The following C19orf85 variants were observed in gnomAD, a reference collection of about 807,000 sequenced individuals.
C19orf85 encodes the protein chromosome 19 open reading frame 85, also known as uncharacterized protein C19orf85.
chr19:55,464,360 C>T (rs1231518677), intron 1 of C19orf85, 22 bp downstream of exon 1: 4 of 398,542 alleles, frequency 1.0e-5, no homozygotes, highest in Non-Finnish European at 1.8e-5. Flanking sequence ...CCCGTGCCCA[C>T]CTTCCCCACC....
chr19:55,464,450 C>A lies in C19orf85; in HGVS notation c.105G>T (p.Gln35His). 1 of 398,350 alleles carries A rather than the reference C, an allele frequency of 2.5e-6. No individual in the cohort carries two copies. The highest frequency in any genetic ancestry group is 4.4e-6 in the Non-Finnish European group (1 of 225,868). The allele number at this position is 398,350 out of a possible 1,614,324, so 24.7% of individuals were successfully genotyped here. The change falls in exon 1 of 2, where the codon CAG becomes CAT. Residue 35 changes from glutamine (Q) to histidine (H), a missense_variant. Transcript: ENST00000635964. ...TCTTGGGGGGCCGGGTGCGCCGGGGCTGCAGGGCCCGCAGCATGTGGGCGG... is the reference window on the plus strand; with the variant it reads ...TCTTGGGGGGCCGGGTGCGCCGGGGATGCAGGGCCCGCAGCATGTGGGCGG... ...GAAAHMLRAL[Q>H]PRRTRPPKRR...
Position 55,463,429 on chromosome 19 carries a change from G to A in C19orf85, c.*43C>T. ...AGGGCTGTAGAGCCGTCGTGGAGGG[G>A]CCTCTGGCTTGTCCTGGGTTCTGGG... On this transcript the variant is annotated 3_prime_UTR_variant, in exon 2 of 2. Coordinates refer to ENST00000635964, the MANE Select transcript of C19orf85 (RefSeq NM_001386794.1). This position sits in a 1 kb window ranked among gnomAD's most constrained non-coding sequence, Gnocchi z 4.9. 1 of 398,544 alleles carries A rather than the reference G, an allele frequency of 2.5e-6. No homozygotes were observed. The highest frequency in any genetic ancestry group is 4.4e-6 in the Non-Finnish European group (1 of 226,170). The allele number at this position is 398,544 out of a possible 1,614,324, so 24.7% of individuals were successfully genotyped here. A position where few individuals can be genotyped will look rare whatever the true frequency, so the allele number is the denominator to read the frequency against.
In C19orf85 at chr19:55,464,428, T is replaced by TG. The variant is rs937313672; in HGVS notation, c.126dup (p.Lys43GlnfsTer22). 2.5e-6 allele frequency: 1 copy of TG among 398,202 alleles called. No individual in the cohort carries two copies. Among genetic ancestry groups the TG allele is most frequent in the Non-Finnish European group, 4.4e-6 (1 of 225,892 alleles). 24.7% of individuals were successfully genotyped at this position (398,202 alleles called of 1,614,324 possible). ...AACCTTCTGTGGTTGGGCCGCCTCT[T>TG]GGGGGGCCGGGTGCGCCGGGGCTGC... On this transcript the variant is annotated frameshift_variant, in exon 1 of 2. Transcript: ENST00000635964. LOFTEE classifies it low-confidence loss of function (END_TRUNC).
At position 55,464,463 on chromosome 19, in the gene C19orf85, A is replaced by G. The variant is rs1030635751; in HGVS notation, c.92T>C (p.Leu31Pro). The stretch of plus-strand genomic sequence containing the variant: ...GGTGCGCCGGGGCTGCAGGGCCCGC[A>G]GCATGTGGGCGGCCGCCCCGCTCAC... ...AFVSGAAAHMLRALQPRRTRP... is the reference protein window; with the variant it reads ...AFVSGAAAHMPRALQPRRTRP... Residue 31 changes from leucine (L) to proline (P), a missense_variant, in exon 1 of 2, where the codon CTG becomes CCG. Coordinates refer to ENST00000635964, the MANE Select transcript of C19orf85 (RefSeq NM_001386794.1). The G allele has an allele frequency of 2.8e-5, 11 of 398,094 alleles. No individual in the cohort carries two copies. The highest frequency in any genetic ancestry group is 1.0e-4 in the African/African-American group (5 of 48,556). The allele number at this position is 398,094 out of a possible 1,614,324, so 24.7% of individuals were successfully genotyped here. A position where few individuals can be genotyped will look rare whatever the true frequency, so the allele number is the denominator to read the frequency against.
At chr19:55,464,042 G>A (rs1245634114) in intron 1 of C19orf85, 75 bp from the exon 2 acceptor site, 2 of 398,546 alleles carry the variant, frequency 5.0e-6, no homozygotes, top group Non-Finnish European at 4.4e-6. Context: ...GCCTTTCAAG[G>A]TGCTGGGATT....
chr19:55,464,564 G>C lies in C19orf85; in HGVS notation c.-10C>G. The stretch of plus-strand genomic sequence containing the variant: ...GGACCCCGGGGTGCATGGCCAGGGT[G>C]GTCTGGAGTAACTCCCCACAATATT... On this transcript the variant is annotated 5_prime_UTR_variant, in exon 1 of 2. Coordinates refer to ENST00000635964, the MANE Select transcript of C19orf85 (RefSeq NM_001386794.1). 2.5e-6 allele frequency: 1 copy of C among 398,378 alleles called. No individual in the cohort carries two copies. Among genetic ancestry groups the C allele is most frequent in the Non-Finnish European group, 4.4e-6 (1 of 225,892 alleles). The allele number at this position is 398,378 out of a possible 1,614,324, so 24.7% of individuals were successfully genotyped here. A position where few individuals can be genotyped will look rare whatever the true frequency, so the allele number is the denominator to read the frequency against.
rs1986328315 is a variant in C19orf85, at chr19:55,464,611, A to G, written c.-57T>C. On this transcript the variant is annotated 5_prime_UTR_variant, in exon 1 of 2. Transcript: ENST00000635964. ...TATTGCTGACCAAAGCACCCCCCAA[A>G]TCTGTGAGCAGGGAGGGGCAGGGGA... 2.5e-6 allele frequency: 1 copy of G among 397,236 alleles called. No individual in the cohort carries two copies. Among genetic ancestry groups the G allele is most frequent in the Non-Finnish European group, 4.4e-6 (1 of 225,432 alleles). The allele number at this position is 397,236 out of a possible 1,614,324, so 24.6% of individuals were successfully genotyped here.
chr19:55,463,352 AT>A lies in C19orf85; in HGVS notation c.*119del, dbSNP rs1986298967. ...CTGAAGTGGGGGTCTGGGTTGGTTT[AT>A]TTTCCCAGGGGCTGCCAGGAAGGGA... On this transcript the variant is annotated 3_prime_UTR_variant, in exon 2 of 2. Coordinates refer to ENST00000635964, the MANE Select transcript of C19orf85 (RefSeq NM_001386794.1). The surrounding 1 kb of genome is among the most constrained non-coding windows in gnomAD (Gnocchi z 4.9). The A allele has an allele frequency of 5.0e-6, 2 of 398,084 alleles. No individual in the cohort carries two copies. Among genetic ancestry groups the A allele is most frequent in the Non-Finnish European group, 8.8e-6 (2 of 226,248 alleles). 24.7% of individuals were successfully genotyped at this position (398,084 alleles called of 1,614,324 possible). A position where few individuals can be genotyped will look rare whatever the true frequency, so the allele number is the denominator to read the frequency against.
chr19:55,464,133 T>C (rs1357827266), intron 1 of C19orf85, among the ~76,000 whole-genome samples, 166 bp from the exon 2 acceptor site: 1 of 152,196 alleles, frequency 6.6e-6, no homozygotes, highest in African/African-American at 2.4e-5. Flanking sequence ...TAGTTATTTA[T>C]TTTGGTGATT....
In C19orf85 at chr19:55,463,569, A is replaced by G; in HGVS notation, c.572T>C (p.Leu191Pro). The change falls in exon 2 of 2, where the codon CTC becomes CCC. Residue 191 changes from leucine to proline, a missense_variant. Physicochemically the swap from Leu to Pro is moderately conservative, Grantham distance 98. Transcript: ENST00000635964. This position sits in a 1 kb window ranked among gnomAD's most constrained non-coding sequence, Gnocchi z 4.9. ...CACCCAACCCCAGTCGGGAGCCACG[A>G]GATCAGCCTCTTCCCCCAGGGCATG... ...PQHALGEEAD[L>P]VAPDWGWVDC... 5.0e-6 allele frequency: 2 copies of G among 398,582 alleles called. No homozygotes were observed. The highest frequency in any genetic ancestry group is 8.8e-6 in the Non-Finnish European group (2 of 226,084). 24.7% of individuals were successfully genotyped at this position (398,582 alleles called of 1,614,324 possible).
rs1315282898 is a variant in C19orf85, at chr19:55,464,437, G to A, written c.118C>T (p.Arg40Trp). ...MLRALQPRRTRPPKRRPNHRR... is the reference protein window; with the variant it reads ...MLRALQPRRTWPPKRRPNHRR... ...TGGTTGGGCCGCCTCTTGGGGGGCC[G>A]GGTGCGCCGGGGCTGCAGGGCCCGC... The change falls in exon 1 of 2, where the codon CGG becomes TGG. Residue 40 changes from arginine (R) to tryptophan (W), a missense_variant. Arg to Trp is a moderately radical substitution (Grantham distance 101). Coordinates refer to ENST00000635964, the MANE Select transcript of C19orf85 (RefSeq NM_001386794.1). The A allele has an allele frequency of 7.5e-6, 3 of 398,258 alleles. No individual in the cohort carries two copies. Among genetic ancestry groups the A allele is most frequent in the Admixed American group, 8.8e-5 (2 of 22,714 alleles). The allele number at this position is 398,258 out of a possible 1,614,324, so 24.7% of individuals were successfully genotyped here.
chr19:55,463,847 C>T lies in C19orf85; in HGVS notation c.294G>A (p.Leu98=). 2.5e-6 allele frequency: 1 copy of T among 399,100 alleles called. No homozygotes were observed. The highest frequency in any genetic ancestry group is 3.6e-5 in the East Asian group (1 of 28,092). The allele number at this position is 399,100 out of a possible 1,614,324, so 24.7% of individuals were successfully genotyped here. A position where few individuals can be genotyped will look rare whatever the true frequency, so the allele number is the denominator to read the frequency against. ...TGGGGGCCACAGCACAGGCCACTCC[C>T]AGGAAGGGGGATGGAGGCGGTGGGG... The part of the protein sequence containing the change: ...KPPPPPPSPF[L]GVACAVAPTE... Residue 98 remains leucine (L), a synonymous_variant, in exon 2 of 2, where the codon CTG becomes CTA. Transcript: ENST00000635964. This position sits in a 1 kb window ranked among gnomAD's most constrained non-coding sequence, Gnocchi z 4.9.
At chr19:55,464,119 G>A (rs7252639) in intron 1 of C19orf85, among the ~76,000 whole-genome samples, 152 bp from the exon 2 acceptor site, 30,140 of 152,152 alleles carry the variant, frequency 0.2, 5,307 homozygotes, top group African/African-American at 0.48. Context: ...GCATCACACC[G>A]TGCTAGTTAT....
At chr19:55,464,002 C>T (rs1249875242) in intron 1 of C19orf85, 35 bp from the exon 2 acceptor site, 3 of 398,530 alleles carry the variant, frequency 7.5e-6, no homozygotes, top group South Asian at 1.3e-4. Context: ...TGGTCTCTAA[C>T]GCCTGAACTC....
chr19:55,463,191 G>A lies in C19orf85; in HGVS notation c.*281C>T, dbSNP rs1986295963. 4 of 367,050 alleles carry A rather than the reference G, an allele frequency of 1.1e-5. No homozygotes were observed. 22.7% of individuals were successfully genotyped at this position (367,050 alleles called of 1,614,324 possible). A position where few individuals can be genotyped will look rare whatever the true frequency, so the allele number is the denominator to read the frequency against. ...ATAAATGACAGGAGAGCAGACATTA[G>A]GCAGAGGTGAGCCTGGGTGAGAGTG... is the stretch of plus-strand genomic sequence containing the variant. On this transcript the variant is annotated 3_prime_UTR_variant, in exon 2 of 2. Coordinates refer to ENST00000635964, the MANE Select transcript of C19orf85 (RefSeq NM_001386794.1). The surrounding 1 kb of genome is among the most constrained non-coding windows in gnomAD (Gnocchi z 4.9).
rs1473313387 is a variant in C19orf85, at chr19:55,463,367, G to A, written c.*105C>T. ...GGGTTGGTTTATTTTCCCAGGGGCT[G>A]CCAGGAAGGGAGTGGACAGGTTGGG... is the stretch of plus-strand genomic sequence containing the variant. On this transcript the variant is annotated 3_prime_UTR_variant, in exon 2 of 2. Coordinates refer to ENST00000635964, the MANE Select transcript of C19orf85 (RefSeq NM_001386794.1). This position sits in a 1 kb window ranked among gnomAD's most constrained non-coding sequence, Gnocchi z 4.9. 1.3e-5 allele frequency: 5 copies of A among 398,696 alleles called. No homozygotes were observed. The highest frequency in any genetic ancestry group is 1.0e-4 in the African/African-American group (5 of 48,658). The allele number at this position is 398,696 out of a possible 1,614,324, so 24.7% of individuals were successfully genotyped here.
chr19:55,464,125 GTTAT>G (rs1167458300), intron 1 of C19orf85, among the ~76,000 whole-genome samples, 158 bp from the exon 2 acceptor site: 1 of 152,202 alleles, frequency 6.6e-6, no homozygotes, highest in Non-Finnish European at 1.5e-5. Context: ...CACCGTGCTA[GTTAT>G]TTATTTTGGT....
Position 55,464,580 on chromosome 19 carries a change from C to T in C19orf85, c.-26G>A, listed in dbSNP as rs187843675. The T allele has an allele frequency of 4.6e-3, 1,825 of 398,364 alleles. 28 individuals carry two copies. Among genetic ancestry groups the T allele is most frequent in the African/African-American group, 0.02 (993 of 48,730 alleles). The allele number at this position is 398,364 out of a possible 1,614,324, so 24.7% of individuals were successfully genotyped here. A position where few individuals can be genotyped will look rare whatever the true frequency, so the allele number is the denominator to read the frequency against. ...GGCCAGGGTGGTCTGGAGTAACTCC[C>T]CACAATATTGCTGACCAAAGCACCC... On this transcript the variant is annotated 5_prime_UTR_variant, in exon 1 of 2. Transcript: ENST00000635964.
rs1051586586 is a variant in C19orf85, at chr19:55,464,657, CGGGCT to C, written c.-108_-104del. 18 of 397,134 alleles carry C rather than the reference CGGGCT, an allele frequency of 4.5e-5. No homozygotes were observed. Among genetic ancestry groups the C allele is most frequent in the Non-Finnish European group, 7.1e-5 (16 of 225,608 alleles). 24.6% of individuals were successfully genotyped at this position (397,134 alleles called of 1,614,324 possible). ...GGGGACTCTGGAGGCCCAGGCACCC[CGGGCT>C]GGGGAGGAGGCAGGGCTGGGAATTG... On this transcript the variant is annotated 5_prime_UTR_variant, in exon 1 of 2. Coordinates refer to ENST00000635964, the MANE Select transcript of C19orf85 (RefSeq NM_001386794.1).
Sources: allele counts gnomAD v4.1 joint callset (sites outside exome capture counted in the v4.1 genomes callset), GRCh38; gene constraint gnomAD v4.1.1; non-coding constraint Gnocchi (gnomAD v3.1); transcripts MANE v1.5; gene names NCBI Gene and HGNC (gene_info 2026-07-23, HGNC 2026-07-21).